Variants in ZNF670 observed in about 807,000 individuals in gnomAD.
ZNF670 encodes the protein zinc finger protein 670.
In ZNF670, 7 loss-of-function variants were observed where a neutral mutation model predicts 10.9. The observed-to-expected ratio is 0.64, with a 90% confidence interval of 0.36 to 1.20. ZNF670 has a LOEUF of 1.20. ZNF670 is among the 50% of genes most tolerant of loss of function. The pLI, the probability that ZNF670 is intolerant of heterozygous loss-of-function variation, is 0.02. For synonymous variants in ZNF670, 136 were observed against 152.7 expected (o/e 0.89, Z 0.81); for missense variants, 446 against 458.6 (o/e 0.97, Z 0.25).
chr1:247,038,586 T>C (rs982678356), intron 3 of ZNF670, among the ~76,000 whole-genome samples, 159 bp from the exon 4 acceptor site: 1 of 152,222 alleles, frequency 6.6e-6, no homozygotes, highest in Admixed American at 6.5e-5. Context: ...TTATCATTAT[T>C]ATCATAATTG....
chr1:247,039,329 G>C, intron 2 of ZNF670, 82 bp downstream of exon 2: 1 of 1,511,202 alleles, frequency 6.6e-7, no homozygotes, highest in Non-Finnish European at 8.9e-7. Context: ...CCAAAGTGCT[G>C]GGATTACAGG....
intron 1 of ZNF670, among the ~76,000 whole-genome samples, chr1:247,069,916 AGACCTAGCATGT>A (rs1172973209): frequency 6.6e-6 from 1 of 152,200 alleles, no homozygotes; most frequent in Non-Finnish European, 1.5e-5. Context: ...AGAATAAGTA[AGACCTAGCATGT>A]GACAGCACAA....
At chr1:247,038,690 TA>T in intron 3 of ZNF670, 119 bp downstream of exon 3, 2 of 882,544 alleles carry the variant, frequency 2.3e-6, no homozygotes, top group Non-Finnish European at 3.4e-6. Context: ...TATTTTTTGC[TA>T]AGACTTTTCT....
intron 1 of ZNF670, chr1:247,042,936 T>G: frequency 1.5e-6 from 1 of 687,946 alleles, no homozygotes; most frequent in East Asian, 2.8e-5. Flanking sequence ...TCATTCACAT[T>G]GAAAGATGAC....
chr1:247,049,207 C>T (rs1480842368), intron 1 of ZNF670, among the ~76,000 whole-genome samples: 4 of 151,580 alleles, frequency 2.6e-5, no homozygotes, highest in Non-Finnish European at 2.9e-5. Flanking sequence ...AAGTGATTCC[C>T]CTGCCTCAGC....
chr1:247,051,990 ATTTT>A (rs146107156), intron 1 of ZNF670, among the ~76,000 whole-genome samples: 2 of 128,258 alleles, frequency 1.6e-5, no homozygotes, highest in African/African-American at 2.9e-5. Context: ...CATGTCCTGT[ATTTT>A]TTTTTTTTTT....
chr1:247,058,438 A>G (rs932952252), intron 1 of ZNF670, among the ~76,000 whole-genome samples: 3 of 152,140 alleles, frequency 2.0e-5, no homozygotes, highest in Non-Finnish European at 2.9e-5. Context: ...TCTAAAACCA[A>G]TAATTCAACC....
chr1:247,067,467 A>G (rs1671010507), intron 1 of ZNF670, among the ~76,000 whole-genome samples: 1 of 150,420 alleles, frequency 6.6e-6, no homozygotes, highest in Admixed American at 6.6e-5. Flanking sequence ...CTTGTCTCAG[A>G]TACATTGAGT....
At chr1:247,058,428 T>C (rs12066507) in intron 1 of ZNF670, among the ~76,000 whole-genome samples, 22,184 of 151,920 alleles carry the variant, frequency 0.15, 1,744 homozygotes, top group Middle Eastern at 0.24. Flanking sequence ...AAAAGAAAGA[T>C]CTAAAACCAA....
At position 247,038,021 on chromosome 1, in the gene ZNF670, T is replaced by C; in HGVS notation, c.598A>G (p.Lys200Glu). ...TYTGEKTYKC[K>E]HCDKAFNYSS... ...TAATTGAAGGCTTTATCACAATGTT[T>C]ACATTTATATGTTTTCTCTCCAGTG... Residue 200 changes from lysine to glutamate, a missense_variant, in exon 4 of 4, where the codon AAA becomes GAA. By Grantham distance (56) the Lys-to-Glu change is moderately conservative (BLOSUM62 1). Coordinates refer to ENST00000366503, the MANE Select transcript of ZNF670 (RefSeq NM_033213.5). 5.0e-6 allele frequency: 8 copies of C among 1,613,920 alleles called. No individual in the cohort carries two copies. Among genetic ancestry groups the C allele is most frequent in the Non-Finnish European group, 5.1e-6 (6 of 1,179,960 alleles).
At position 247,040,202 on chromosome 1, in the gene ZNF670, C is replaced by A. The variant is rs2818878; in HGVS notation, c.4-665G>T. ...CTCATATGCTGTTACAACTTGTTAACTGGAGAAATGAGGCATCAACGTGAT... is the reference window on the plus strand; with the variant it reads ...CTCATATGCTGTTACAACTTGTTAAATGGAGAAATGAGGCATCAACGTGAT... On this transcript the variant is annotated intron_variant, in intron 1 of 3. Coordinates refer to ENST00000366503, the MANE Select transcript of ZNF670 (RefSeq NM_033213.5). Among the ~76,000 whole-genome samples the A allele has an allele frequency of 1.6e-3, 236 of 152,246 alleles. 1 individual carries two copies. The highest frequency in any genetic ancestry group is 5.4e-3 in the African/African-American group (226 of 41,532).
chr1:247,056,659 T>C (rs61852638), intron 1 of ZNF670, among the ~76,000 whole-genome samples: 14,446 of 152,100 alleles, frequency 0.095, 799 homozygotes, highest in South Asian at 0.19. Flanking sequence ...CCCAGCACTT[T>C]GGGAGGCTGA....
Position 247,061,569 on chromosome 1 carries a change from A to G in ZNF670, c.3+17025T>C, listed in dbSNP as rs1572567457. ...CAACGATATTTATACATTATACATC[A>G]AAGTATAATAAAAGAAATGGCAAGA... On this transcript the variant is annotated intron_variant, in intron 1 of 3. Coordinates refer to ENST00000366503, the MANE Select transcript of ZNF670 (RefSeq NM_033213.5). Among the ~76,000 whole-genome samples, 2 of 152,302 alleles carry G rather than the reference A, an allele frequency of 1.3e-5. 1 individual carries two copies. Among genetic ancestry groups the G allele is most frequent in the Non-Finnish European group, 2.9e-5 (2 of 68,026 alleles).
intron 1 of ZNF670, among the ~76,000 whole-genome samples, chr1:247,063,536 T>C (rs1179729099): frequency 7.3e-6 from 1 of 137,098 alleles, no homozygotes; most frequent in African/African-American, 2.8e-5. Context: ...TGAGCCGAGA[T>C]CGTGCCACTG....
intron 1 of ZNF670, among the ~76,000 whole-genome samples, chr1:247,046,402 T>C (rs138351785): frequency 0.021 from 3,175 of 152,326 alleles, 50 homozygotes; most frequent in Non-Finnish European, 0.031. Flanking sequence ...ACACTGCTCC[T>C]TGCATTCCAG....
In ZNF670 at chr1:247,065,084, G is replaced by A. The variant is rs569956093; in HGVS notation, c.3+13510C>T. ...CAGCCTCCCAAAGTGCTGAGATTAC[G>A]GGCATGAGCCACCAGGCCTGGCCGG... On this transcript the variant is annotated intron_variant, in intron 1 of 3. Coordinates refer to ENST00000366503, the MANE Select transcript of ZNF670 (RefSeq NM_033213.5). 2.6e-3 allele frequency among the ~76,000 whole-genome samples: 393 copies of A among 152,106 alleles called. 2 individuals are homozygous for A. Among genetic ancestry groups the A allele is most frequent in the African/African-American group, 8.5e-3 (353 of 41,490 alleles).
chr1:247,039,076 T>G lies in ZNF670; in HGVS notation c.131-206A>C, dbSNP rs1170036441. On this transcript the variant is annotated intron_variant, in intron 2 of 3. Transcript: ENST00000366503. ...TCTTTCTTTCTTTTTTTTTTTTTTT[T>G]GAGACAGATTGTTTCTTCGTTGACC... is the stretch of plus-strand genomic sequence containing the variant. 6.2e-5 allele frequency among the ~76,000 whole-genome samples: 9 copies of G among 145,668 alleles called. No homozygotes were observed. In the East Asian group the frequency reaches 1.6e-3, roughly 25 times the overall value.
At chr1:247,044,989 A>G (rs753149802) in intron 1 of ZNF670, among the ~76,000 whole-genome samples, 8 of 152,218 alleles carry the variant, frequency 5.3e-5, no homozygotes, top group Non-Finnish European at 8.8e-5. Context: ...CACATTCACA[A>G]TAAAAGGCAA....
At chr1:247,077,187 T>C (rs962075803) in intron 1 of ZNF670, among the ~76,000 whole-genome samples, 3 of 152,098 alleles carry the variant, frequency 2.0e-5, no homozygotes, top group African/African-American at 7.2e-5. Flanking sequence ...AGGAAGAAAA[T>C]CCCAATGCAC....
Sources: allele counts gnomAD v4.1 joint callset (sites outside exome capture counted in the v4.1 genomes callset), GRCh38; gene constraint gnomAD v4.1.1; transcripts MANE v1.5; gene names NCBI Gene and HGNC (gene_info 2026-07-23, HGNC 2026-07-21).